ATP8B4: variants seen among roughly 807,000 people sequenced by gnomAD.
ATP8B4 encodes the protein probable phospholipid-transporting ATPase IM.
ATP8B4 carries 133 observed loss-of-function variants against 145.6 expected under a neutral mutation model. The ratio of observed to expected loss-of-function variants is 0.91; its 90% CI spans 0.79 to 1.05. ATP8B4 has a LOEUF of 1.05. Ranked by LOEUF, ATP8B4 falls within the 50% of genes least tolerant of loss-of-function variation. The pLI is 0.00. For missense variants in ATP8B4, 1,458 were observed against 1,425.2 expected, an observed-to-expected ratio of 1.02 and a Z score of -0.37; for synonymous variants, 507 against 492.9, an observed-to-expected ratio of 1.03 and a Z score of -0.38.
At chr15:50,174,326 T>C (rs1056513198) in intron 1 of ATP8B4, among the ~76,000 whole-genome samples, 3 of 151,904 alleles carry the variant, frequency 2.0e-5, no homozygotes, top group Non-Finnish European at 2.9e-5. Flanking sequence ...ATATAGAGCA[T>C]CCAAATCGGT....
chr15:49,928,987 T>A (rs2153462959), intron 16 of ATP8B4, among the ~76,000 whole-genome samples: 1 of 152,192 alleles, frequency 6.6e-6, no homozygotes, highest in South Asian at 2.1e-4. Context: ...ACCCACAAGC[T>A]TGTTAGAAAT....
chr15:49,948,994 T>C (rs2042826036), intron 14 of ATP8B4, among the ~76,000 whole-genome samples: 1 of 152,210 alleles, frequency 6.6e-6, no homozygotes, highest in Non-Finnish European at 1.5e-5. Context: ...GTGGTCTTAT[T>C]TGTGAGGTGT....
At position 50,158,288 on chromosome 15, in the gene ATP8B4, G is replaced by A. The variant is rs534481872; in HGVS notation, c.-43+23973C>T. 3.2e-3 allele frequency among the ~76,000 whole-genome samples: 480 copies of A among 151,196 alleles called. 2 individuals carry two copies. The highest frequency in any genetic ancestry group is 0.011 in the African/African-American group (467 of 41,124). On this transcript the variant is annotated intron_variant, in intron 1 of 3. Transcript: ENST00000558829. ...AAGTGAGGAGCGCCTCTTCCCGGCCGCCATCCCATCTAGGAAGTGAGGAGC... is the reference window on the plus strand; with the variant it reads ...AAGTGAGGAGCGCCTCTTCCCGGCCACCATCCCATCTAGGAAGTGAGGAGC...
intron 1 of ATP8B4, among the ~76,000 whole-genome samples, chr15:50,139,804 T>C (rs17499837): frequency 0.16 from 24,598 of 152,138 alleles, 2,245 homozygotes; most frequent in Non-Finnish European, 0.21. Flanking sequence ...AACCACTACA[T>C]CCTAAAGAAA....
chr15:49,963,369 C>A (rs929239515), intron 13 of ATP8B4, among the ~76,000 whole-genome samples: 1 of 152,092 alleles, frequency 6.6e-6, no homozygotes, highest in Non-Finnish European at 1.5e-5. Flanking sequence ...CCTCAAGGAC[C>A]TAAAGGCAGA....
intron 1 of ATP8B4, among the ~76,000 whole-genome samples, chr15:50,117,854 A>G (rs546775124): frequency 1.3e-5 from 2 of 152,350 alleles, no homozygotes; most frequent in South Asian, 4.1e-4. Context: ...TTGCAGCAAC[A>G]TGGATGGAAC....
chr15:50,013,607 A>T (rs543276718), intron 6 of ATP8B4, among the ~76,000 whole-genome samples: 1 of 152,268 alleles, frequency 6.6e-6, no homozygotes, highest in African/African-American at 2.4e-5. Flanking sequence ...ACCTTAGCAA[A>T]CTCACAAGTC....
chr15:50,038,124 A>T (rs2050977835), intron 6 of ATP8B4, among the ~76,000 whole-genome samples: 1 of 152,052 alleles, frequency 6.6e-6, no homozygotes, highest in Non-Finnish European at 1.5e-5. Context: ...GGGACAGCAA[A>T]AAAGAGAGTA....
At position 49,929,483 on chromosome 15, in the gene ATP8B4, T is replaced by C. The variant is rs573588400; in HGVS notation, c.1642+1636A>G. Among the ~76,000 whole-genome samples the C allele has an allele frequency of 3.3e-5, 5 of 152,168 alleles. No individual in the cohort carries two copies. The East Asian group carries it at 9.7e-4, about 29-fold the overall frequency. On this transcript the variant is annotated intron_variant, in intron 16 of 27. Transcript: ENST00000284509. ...TTTGACATAAAACTTTAGGTAACAATCCAGTGACAGGACATAACGGAAGCT... is the reference window on the plus strand; with the variant it reads ...TTTGACATAAAACTTTAGGTAACAACCCAGTGACAGGACATAACGGAAGCT...
rs2037646969 is a variant in ATP8B4 at position 49,898,348 on chromosome 15, TG to T, written c.2290-98del. ...TTTTGTTTGCTAAAACCATTTCATT[TG>T]TTTGCTAAACCATTTCATTCACTCC... On this transcript the variant is annotated intron_variant, in intron 21 of 27. Coordinates refer to ENST00000284509, the MANE Select transcript of ATP8B4 (RefSeq NM_024837.4). 3 of 1,282,144 alleles carry T rather than the reference TG, an allele frequency of 2.3e-6. No individual in the cohort carries two copies. In the African/African-American group the frequency reaches 4.5e-5, roughly 19 times the overall value. 79.4% of individuals were successfully genotyped at this position (1,282,144 alleles called of 1,614,324 possible).
At chr15:50,123,114 G>A (rs1026350700), upstream of ATP8B4, among the ~76,000 whole-genome samples, 1 of 152,028 alleles carries the variant, frequency 6.6e-6, no homozygotes, top group Non-Finnish European at 1.5e-5. Flanking sequence ...ATCCAAATGC[G>A]ACTACATTTT....
chr15:49,861,777 A>G (rs559934157), intron 27 of ATP8B4, among the ~76,000 whole-genome samples: 21 of 152,242 alleles, frequency 1.4e-4, no homozygotes, highest in African/African-American at 4.6e-4. Flanking sequence ...CCCCTTCTTA[A>G]TCTGTTCAGA....
intron 2 of ATP8B4, among the ~76,000 whole-genome samples, chr15:50,082,954 A>G (rs4775849): frequency 0.69 from 105,143 of 152,062 alleles, 37,587 homozygotes; most frequent in African/African-American, 0.89. Context: ...TATAAAAGAA[A>G]CTCGGAGGAG....
intron 23 of ATP8B4, among the ~76,000 whole-genome samples, chr15:49,888,241 G>C (rs1267457484): frequency 2.6e-5 from 4 of 152,194 alleles, no homozygotes; most frequent in Non-Finnish European, 5.9e-5. Context: ...AGGGGGAGCA[G>C]AGCTACCATG....
chr15:49,901,869 G>A (rs1300988696), intron 20 of ATP8B4: 1 of 393,802 alleles, frequency 2.5e-6, no homozygotes, highest in African/African-American at 2.1e-5. Flanking sequence ...AAATCTTCTA[G>A]GAAAAAAACT....
At chr15:49,905,957 TATAC>T (rs1010459058) in intron 20 of ATP8B4, among the ~76,000 whole-genome samples, 1 of 149,184 alleles carries the variant, frequency 6.7e-6, no homozygotes, top group African/African-American at 2.6e-5. Flanking sequence ...CCTACATATA[TATAC>T]ACACACACAC....
At chr15:49,961,272 A>G (rs2044050282) in intron 14 of ATP8B4, among the ~76,000 whole-genome samples, 1 of 152,242 alleles carries the variant, frequency 6.6e-6, no homozygotes, top group Non-Finnish European at 1.5e-5. Context: ...ATATAATCTC[A>G]TCAAAGATCA....
chr15:49,918,502 C>T (rs1599129601), intron 19 of ATP8B4, among the ~76,000 whole-genome samples: 1 of 152,250 alleles, frequency 6.6e-6, no homozygotes, highest in African/African-American at 2.4e-5. Context: ...TAGTTCTGTG[C>T]CAATATCTGT....
At chr15:50,026,781 G>T (rs2050037031) in intron 6 of ATP8B4, among the ~76,000 whole-genome samples, 1 of 152,068 alleles carries the variant, frequency 6.6e-6, no homozygotes, top group African/African-American at 2.4e-5. Flanking sequence ...TGCCTTGTGG[G>T]GTAGAAAGAC....
Sources: gnomAD v4.1 joint callset for allele counts (sites outside exome capture counted in the v4.1 genomes callset) on GRCh38, gnomAD v4.1.1 for gene constraint, MANE v1.5 for transcripts, NCBI Gene and HGNC (gene_info 2026-07-23, HGNC 2026-07-21) for gene names.